PCDH11X: variants seen among roughly 807,000 people sequenced by gnomAD.
PCDH11X encodes protocadherin-11 X-linked.
PCDH11X carries 18 observed loss-of-function variants against 53.3 expected under a neutral mutation model. That is an observed-to-expected ratio of 0.34 (90% CI 0.23 to 0.50). The LOEUF (loss-of-function observed/expected upper bound fraction) is 0.50. Among genes scored for constraint, PCDH11X ranks in the 20% least tolerant of loss-of-function variants. The probability of loss-of-function intolerance (pLI) is 0.98; values close to 1 mark genes in which losing one functional copy is unlikely to be tolerated. For synonymous variants in PCDH11X, 279 were observed against 393.3 expected (o/e 0.71, Z 3.44); for missense variants, 570 against 1,032.4 (o/e 0.55, Z 6.14).
intron 8 of PCDH11X, among the ~76,000 whole-genome samples, chrX:92,277,675 TGGAAATAAGGGGTCAGGGCAC>T (rs1204280525): frequency 9.8e-6 from 1 of 102,080 alleles, no homozygotes; most frequent in Non-Finnish European, 2.0e-5. Flanking sequence ...GGTCAGGGCA[TGGAAATAAGGGGTCAGGGCAC>T]GGAAATAAGG....
chrX:91,879,180 GTGT>G lies in PCDH11X; in HGVS notation c.2942_2944del (p.Cys981del), dbSNP rs763122942. ...TTGTGGCCTGTGACTCTATCTCCAA[GTGT>G]TCCTCAAGCAGTTCAGATCCCTACA... is the stretch of plus-strand genomic sequence containing the variant. On this transcript the variant is annotated inframe_deletion, in exon 6 of 11. Transcript: ENST00000682573. 127 of 1,209,843 alleles carry G rather than the reference GTGT, an allele frequency of 1.0e-4. No homozygotes were observed. In the African/African-American group the frequency reaches 1.9e-3, roughly 18 times the overall value.
chrX:92,586,852 C>G (rs2148793195), intron 10 of PCDH11X, among the ~76,000 whole-genome samples: 1 of 111,252 alleles, frequency 9.0e-6, no homozygotes, highest in East Asian at 2.8e-4. Context: ...TTGAATATTT[C>G]AAATAACTCA....
chrX:92,389,521 T>C (rs2071080401), intron 9 of PCDH11X, among the ~76,000 whole-genome samples: 1 of 111,100 alleles, frequency 9.0e-6, no homozygotes, highest in Non-Finnish European at 1.9e-5. Context: ...GCCTCTTTCA[T>C]AGAGGATTGC....
Position 91,840,358 on chromosome X carries a change from A to G in PCDH11X, c.540+4314A>G, listed in dbSNP as rs181430139. Among the ~76,000 whole-genome samples, 4 of 111,586 alleles carry G rather than the reference A, an allele frequency of 3.6e-5. No homozygotes were observed. The East Asian group carries it at 8.5e-4, about 24-fold the overall frequency. On this transcript the variant is annotated intron_variant, in intron 5 of 10. Coordinates refer to ENST00000682573, the MANE Select transcript of PCDH11X (RefSeq NM_032968.5). ...GACAATTTTTGTTGACAGAACATGAAGATCAACTTTTTCTCAGGTTAGTGA... is the reference window on the plus strand; with the variant it reads ...GACAATTTTTGTTGACAGAACATGAGGATCAACTTTTTCTCAGGTTAGTGA...
At chrX:92,063,733 T>C (rs1285713967) in intron 6 of PCDH11X, among the ~76,000 whole-genome samples, 6 of 111,732 alleles carry the variant, frequency 5.4e-5, no homozygotes, top group Non-Finnish European at 1.1e-4. Context: ...TTTACTTGTT[T>C]CTTCTTCGAT....
At chrX:92,370,518 G>C (rs1056195217) in intron 8 of PCDH11X, among the ~76,000 whole-genome samples, 2 of 102,447 alleles carry the variant, frequency 2.0e-5, no homozygotes, top group East Asian at 3.2e-4. Flanking sequence ...GGAATGCAGT[G>C]GTGTGATCTT....
At chrX:92,217,693 C>T (rs1275416758) in intron 7 of PCDH11X, among the ~76,000 whole-genome samples, 2 of 105,401 alleles carry the variant, frequency 1.9e-5, no homozygotes, top group Non-Finnish European at 3.9e-5. Context: ...CAGCTCTGCA[C>T]CAAGTGGACC....
intron 8 of PCDH11X, among the ~76,000 whole-genome samples, chrX:92,266,757 T>A (rs1274649360): frequency 4.6e-5 from 5 of 109,227 alleles, no homozygotes; most frequent in African/African-American, 1.0e-4. Context: ...TTTTTTTTTT[T>A]ATGTGGAGAC....
chrX:92,503,765 C>T (rs1230698637), intron 10 of PCDH11X, among the ~76,000 whole-genome samples: 2 of 110,770 alleles, frequency 1.8e-5, no homozygotes, highest in Non-Finnish European at 3.8e-5. Flanking sequence ...TAATGGATGC[C>T]GGGCTTAATA....
At chrX:92,406,504 G>T (rs200740501) in intron 9 of PCDH11X, among the ~76,000 whole-genome samples, 1 of 101,250 alleles carries the variant, frequency 9.9e-6, no homozygotes, top group Non-Finnish European at 2.0e-5. Flanking sequence ...GAATGTGCAA[G>T]TTTTATTATT....
At chrX:91,869,870 G>A (rs866618549) in intron 5 of PCDH11X, among the ~76,000 whole-genome samples, 2 of 111,717 alleles carry the variant, frequency 1.8e-5, no homozygotes, top group African/African-American at 3.2e-5. Flanking sequence ...GTCAAAGAGC[G>A]AGATAGAGAA....
At chrX:92,216,222 T>C (rs1223872961) in intron 7 of PCDH11X, among the ~76,000 whole-genome samples, 1 of 110,645 alleles carries the variant, frequency 9.0e-6, no homozygotes, top group Admixed American at 9.7e-5. Context: ...TTTGACGAGC[T>C]GAGAGAAGGC....
At chrX:92,611,420 T>A (rs1202534259) in intron 10 of PCDH11X, among the ~76,000 whole-genome samples, 2 of 110,156 alleles carry the variant, frequency 1.8e-5, no homozygotes, top group African/African-American at 3.3e-5. Flanking sequence ...ATTCTACTGA[T>A]TTTTGCACAT....
At position 92,191,164 on chromosome X, in the gene PCDH11X, C is replaced by G. The variant is rs17320886; in HGVS notation, c.3034-10211C>G. ...TTTCATTGATACTGGAATATTGTCCCTTTCCCTAACTATGCTTCTAAATTC... is the reference window on the plus strand; with the variant it reads ...TTTCATTGATACTGGAATATTGTCCGTTTCCCTAACTATGCTTCTAAATTC... On this transcript the variant is annotated intron_variant, in intron 6 of 10. Coordinates refer to ENST00000682573, the MANE Select transcript of PCDH11X (RefSeq NM_032968.5). Among the ~76,000 whole-genome samples the G allele has an allele frequency of 2.7e-3, 307 of 112,059 alleles. 3 individuals carry two copies. The highest frequency in any genetic ancestry group is 0.022 in the Admixed American group (235 of 10,517).
chrX:91,874,326 A>C lies in PCDH11X; in HGVS notation c.541-2455A>C, dbSNP rs113355362. Among the ~76,000 whole-genome samples, 622 of 110,472 alleles carry C rather than the reference A, an allele frequency of 5.6e-3. 4 individuals are homozygous for C. The highest frequency in any genetic ancestry group is 0.019 in the African/African-American group (587 of 30,573). ...TTTTTCTTAAAATATGCAGTATATC[A>C]AATAATAGATTTTGCTTGCTAATTT... On this transcript the variant is annotated intron_variant, in intron 5 of 10. Transcript: ENST00000682573.
At chrX:92,412,477 A>G (rs1368572483) in intron 9 of PCDH11X, among the ~76,000 whole-genome samples, 10 of 94,852 alleles carry the variant, frequency 1.1e-4, no homozygotes, top group African/African-American at 3.9e-4. Context: ...ATTTCTAAAG[A>G]TAAAAATTTG....
intron 7 of PCDH11X, among the ~76,000 whole-genome samples, chrX:92,206,603 T>C (rs2066480642): frequency 9.0e-6 from 1 of 111,043 alleles, no homozygotes; most frequent in African/African-American, 3.3e-5. Flanking sequence ...CTCGGCTCAC[T>C]GTAACCTCTG....
intron 5 of PCDH11X, among the ~76,000 whole-genome samples, chrX:91,867,890 T>A (rs1432071871): frequency 1.8e-5 from 2 of 111,376 alleles, no homozygotes; most frequent in South Asian, 3.8e-4. Flanking sequence ...TGGGAAAAAA[T>A]TTTTTGATCT....
At chrX:92,112,819 G>T (rs183799403) in intron 6 of PCDH11X, among the ~76,000 whole-genome samples, 88 of 107,459 alleles carry the variant, frequency 8.2e-4, no homozygotes, top group Non-Finnish European at 1.4e-3. Context: ...CTTCTTTGAA[G>T]AATTACTCAA....
Sources: allele counts gnomAD v4.1 joint callset (sites outside exome capture counted in the v4.1 genomes callset), GRCh38; gene constraint gnomAD v4.1.1; transcripts MANE v1.5; gene names NCBI Gene and HGNC (gene_info 2026-07-23, HGNC 2026-07-21).